TRPM3: variants seen among roughly 807,000 people sequenced by gnomAD.
TRPM3 encodes the protein long transient receptor potential channel 3.
In TRPM3, 77 loss-of-function variants were observed where a neutral mutation model predicts 181.2. The observed-to-expected ratio is 0.42, with a 90% CI of 0.35 to 0.51. The LOEUF (loss-of-function observed/expected upper bound fraction) is 0.51. TRPM3 is among the 20% of genes least tolerant of loss of function. The probability of loss-of-function intolerance (pLI) is 0.01; values close to 1 mark genes in which losing one functional copy is unlikely to be tolerated. For synonymous variants in TRPM3, 745 were observed against 796.4 expected, an observed-to-expected ratio of 0.94 and a Z score of 1.09; for missense variants, 1,759 against 2,196.7, an observed-to-expected ratio of 0.80 and a Z score of 3.98.
chr9:71,066,576 A>C (rs566228664), intron 1 of TRPM3, among the ~76,000 whole-genome samples: 21 of 152,302 alleles, frequency 1.4e-4, no homozygotes, highest in African/African-American at 4.8e-4. Context: ...CTTAGAACAG[A>C]GAGGGCCTCT....
chr9:71,168,097 C>T (rs763759914), intron 1 of TRPM3, among the ~76,000 whole-genome samples: 2 of 152,104 alleles, frequency 1.3e-5, no homozygotes, highest in African/African-American at 2.4e-5. Flanking sequence ...AAGTTAAAAA[C>T]TATCACCCAT....
intron 15 of TRPM3, 83 bp downstream of exon 15, chr9:70,621,157 TTATA>T: frequency 6.1e-6 from 3 of 487,874 alleles, no homozygotes; most frequent in Admixed American, 5.0e-5. Flanking sequence ...ATATATTATT[TTATA>T]TATATACTAT....
intron 1 of TRPM3, among the ~76,000 whole-genome samples, chr9:71,023,031 T>C (rs1205100059): frequency 2.6e-5 from 4 of 152,046 alleles, no homozygotes; most frequent in Non-Finnish European, 5.9e-5. Flanking sequence ...TTTTCTTCTT[T>C]AAAAAAACCC....
intron 1 of TRPM3, among the ~76,000 whole-genome samples, chr9:71,302,103 T>C (rs2086832019): frequency 6.6e-6 from 1 of 152,162 alleles, no homozygotes. Flanking sequence ...TATAATTTAG[T>C]GTCGCAAATC....
intron 1 of TRPM3, among the ~76,000 whole-genome samples, chr9:71,245,443 C>CAAA (rs61043388): frequency 0.017 from 2,323 of 133,618 alleles, 73 homozygotes; most frequent in African/African-American, 0.062. Context: ...GACTCCATTT[C>CAAA]AAAAAAAAAA....
Position 70,740,865 on chromosome 9 carries a change from G to A in TRPM3, c.1272+20736C>T, listed in dbSNP as rs544856884. ...AGACCTGAAACCACAACAGTTCTAGGAGATAACATCGGAAAAACCCTTCTA... is the reference window on the plus strand; with the variant it reads ...AGACCTGAAACCACAACAGTTCTAGAAGATAACATCGGAAAAACCCTTCTA... On this transcript the variant is annotated intron_variant, in intron 8 of 25. Coordinates refer to ENST00000677713, the MANE Select transcript of TRPM3 (RefSeq NM_001366145.2). 5.3e-5 allele frequency among the ~76,000 whole-genome samples: 8 copies of A among 152,258 alleles called. No homozygotes were observed. In the East Asian group the frequency reaches 9.7e-4, roughly 18 times the overall value.
At chr9:71,126,967 TA>T (rs1281303333) in intron 1 of TRPM3, among the ~76,000 whole-genome samples, 4 of 151,998 alleles carry the variant, frequency 2.6e-5, no homozygotes, top group African/African-American at 7.3e-5. Flanking sequence ...TCCAAATGTA[TA>T]AGGATACTTA....
chr9:71,118,707 C>T (rs2072975659), intron 1 of TRPM3, among the ~76,000 whole-genome samples: 2 of 151,790 alleles, frequency 1.3e-5, no homozygotes, highest in Admixed American at 6.6e-5. Context: ...GGAGAATTGG[C>T]TTTGTTACCT....
At chr9:70,881,141 G>T (rs1258111286) in intron 1 of TRPM3, among the ~76,000 whole-genome samples, 2 of 152,016 alleles carry the variant, frequency 1.3e-5, no homozygotes, top group East Asian at 3.9e-4. Flanking sequence ...GTGATAATTT[G>T]ATACATTCAT....
intron 18 of TRPM3, among the ~76,000 whole-genome samples, chr9:70,613,973 TG>T (rs1346998708): frequency 2.6e-5 from 4 of 152,180 alleles, no homozygotes; most frequent in African/African-American, 9.7e-5. Context: ...CACTTGACTT[TG>T]GAGGCTCATT....
intron 1 of TRPM3, among the ~76,000 whole-genome samples, chr9:71,234,959 C>T (rs1340877543): frequency 1.3e-5 from 2 of 152,208 alleles, no homozygotes; most frequent in Non-Finnish European, 2.9e-5. Flanking sequence ...ACATAGGCTT[C>T]ATAGGACAAG....
At chr9:71,070,222 C>T (rs1033458566) in intron 1 of TRPM3, among the ~76,000 whole-genome samples, 2 of 152,162 alleles carry the variant, frequency 1.3e-5, no homozygotes, top group African/African-American at 2.4e-5. Flanking sequence ...AAAACAAAAT[C>T]GGAGAAGTCT....
rs199831183 is a variant in TRPM3 at position 70,872,514 on chromosome 9, T to C, written c.178-8003A>G. Reference sequence around the variant, plus strand: ...AACACATCTGGACTGCTCAAAGGTCTTTCTTGACCATCCTATCTAAAAGCA... The same window carrying C: ...AACACATCTGGACTGCTCAAAGGTCCTTCTTGACCATCCTATCTAAAAGCA... On this transcript the variant is annotated intron_variant, in intron 1 of 25. Coordinates refer to ENST00000677713, the MANE Select transcript of TRPM3 (RefSeq NM_001366145.2). 2.0e-5 allele frequency among the ~76,000 whole-genome samples: 3 copies of C among 152,080 alleles called. No individual in the cohort carries two copies. In the East Asian group the frequency reaches 5.8e-4, roughly 30 times the overall value.
chr9:71,408,048 A>G (rs546489426), intron 1 of TRPM3, among the ~76,000 whole-genome samples: 4 of 152,350 alleles, frequency 2.6e-5, no homozygotes, highest in Non-Finnish European at 5.9e-5. Context: ...AGAAAGGAAT[A>G]GCATCAACAA....
intron 1 of TRPM3, among the ~76,000 whole-genome samples, chr9:71,388,975 G>C (rs533276138): frequency 1.4e-3 from 206 of 152,086 alleles, no homozygotes; most frequent in African/African-American, 4.8e-3. Flanking sequence ...GAGCACAAAA[G>C]GAGAAAATAA....
chr9:71,382,257 C>T (rs2092817986), intron 1 of TRPM3, among the ~76,000 whole-genome samples: 1 of 152,064 alleles, frequency 6.6e-6, no homozygotes, highest in African/African-American at 2.4e-5. Context: ...ATGAAAAACT[C>T]AACTGCTTAA....
At chr9:71,429,413 A>G (rs996207351) in intron 1 of TRPM3, among the ~76,000 whole-genome samples, 1 of 152,206 alleles carries the variant, frequency 6.6e-6, no homozygotes, top group African/African-American at 2.4e-5. Flanking sequence ...CTTATCTGTA[A>G]AATGAGTACA....
intron 8 of TRPM3, among the ~76,000 whole-genome samples, chr9:70,689,852 C>T (rs115143663): frequency 0.011 from 1,712 of 152,186 alleles, 32 homozygotes; most frequent in African/African-American, 0.04. Context: ...TAGGCATATT[C>T]ACCACCTAAA....
intron 1 of TRPM3, among the ~76,000 whole-genome samples, chr9:71,308,105 G>T (rs1171619155): frequency 6.6e-6 from 1 of 151,552 alleles, no homozygotes; most frequent in Non-Finnish European, 1.5e-5. Context: ...CAAGCAGCTG[G>T]GATTACAGGC....
Sources: allele counts gnomAD v4.1 joint callset (sites outside exome capture counted in the v4.1 genomes callset), GRCh38; gene constraint gnomAD v4.1.1; transcripts MANE v1.5; gene names NCBI Gene and HGNC (gene_info 2026-07-23, HGNC 2026-07-21).